Variants in ITCH observed in about 807,000 individuals in gnomAD.
ITCH encodes the protein itchy E3 ubiquitin protein ligase.
A neutral mutation model predicts 126.8 loss-of-function variants in ITCH; 28 were observed. That is an observed-to-expected ratio of 0.22 (90% CI 0.16 to 0.30). ITCH has a LOEUF of 0.30. ITCH is among the 10% of genes least tolerant of loss of function. The pLI, the probability that ITCH is intolerant of heterozygous loss-of-function variation, is 1.00. For missense variants in ITCH, 631 were observed against 1,032.4 expected, an observed-to-expected ratio of 0.61 and a Z score of 5.33; for synonymous variants, 342 against 340.0, an observed-to-expected ratio of 1.01 and a Z score of -0.06.
intron 3 of ITCH, among the ~76,000 whole-genome samples, chr20:34,399,030 A>G (rs1196074116): frequency 1.3e-5 from 2 of 152,200 alleles, no homozygotes; most frequent in African/African-American, 4.8e-5. Context: ...CAGTTATAGT[A>G]TTTGTTTTAT....
At chr20:34,427,154 G>C (rs1981647877) in intron 7 of ITCH, among the ~76,000 whole-genome samples, 1 of 152,188 alleles carries the variant, frequency 6.6e-6, no homozygotes, top group Non-Finnish European at 1.5e-5. Context: ...TAAAGCTGTT[G>C]TGTCTTACCT....
At chr20:34,433,146 C>T (rs1213118763) in intron 7 of ITCH, among the ~76,000 whole-genome samples, 6 of 152,056 alleles carry the variant, frequency 3.9e-5, no homozygotes, top group African/African-American at 7.2e-5. Context: ...AAAAATTGGC[C>T]GGGCATGGTG....
chr20:34,455,304 G>T (rs1359832862), intron 12 of ITCH, among the ~76,000 whole-genome samples: 1 of 152,088 alleles, frequency 6.6e-6, no homozygotes, highest in African/African-American at 2.4e-5. Flanking sequence ...TAATACATCA[G>T]TTATTCATTT....
chr20:34,474,917 G>A (rs1988018641), intron 16 of ITCH, among the ~76,000 whole-genome samples: 2 of 151,712 alleles, frequency 1.3e-5, no homozygotes, highest in African/African-American at 4.8e-5. Flanking sequence ...TTGCCAGGCA[G>A]AGGGTCTCCT....
Position 34,477,837 on chromosome 20 carries a change from T to C in ITCH, c.1635T>C (p.Gly545=). The C allele has an allele frequency of 6.2e-7, 1 of 1,613,260 alleles. No homozygotes were observed. The highest frequency in any genetic ancestry group is 1.1e-5 in the South Asian group (1 of 91,062). Residue 545 remains glycine, a synonymous_variant, in exon 17 of 25, where the codon GGT becomes GGC. Coordinates refer to ENST00000374864, the MANE Select transcript of ITCH (RefSeq NM_031483.7). ...RLWVIFPGEE[G]LDYGGVAREW... is the part of the protein sequence containing the mutation. ...GGGTGATTTTTCCAGGAGAAGAAGG[T>C]TTAGATTATGGAGGTGTAGCAAGGT...
chr20:34,457,570 A>T, intron 13 of ITCH, 96 bp downstream of exon 13: 1 of 849,658 alleles, frequency 1.2e-6, no homozygotes, highest in African/African-American at 1.7e-5. Flanking sequence ...TTTGCCAAAG[A>T]CCTAAAACGT....
chr20:34,495,659 A>G (rs1183352008), intron 23 of ITCH, among the ~76,000 whole-genome samples: 1 of 152,106 alleles, frequency 6.6e-6, no homozygotes, highest in Admixed American at 6.6e-5. Flanking sequence ...TTGTTTATAC[A>G]CCACATTTTC....
intron 1 of ITCH, among the ~76,000 whole-genome samples, chr20:34,365,249 T>G (rs1171519783): frequency 6.6e-6 from 1 of 152,090 alleles, no homozygotes; most frequent in Non-Finnish European, 1.5e-5. Flanking sequence ...TTCTACTGCT[T>G]CTTTGAACTG....
chr20:34,368,862 G>A (rs2037515589), intron 1 of ITCH, among the ~76,000 whole-genome samples: 1 of 151,974 alleles, frequency 6.6e-6, no homozygotes, highest in African/African-American at 2.4e-5. Context: ...TCCTCATTTT[G>A]CCAGATAGCC....
chr20:34,503,075 A>G (rs1433222099), intron 23 of ITCH, among the ~76,000 whole-genome samples: 1 of 152,208 alleles, frequency 6.6e-6, no homozygotes, highest in Non-Finnish European at 1.5e-5. Flanking sequence ...TATGTGTTGA[A>G]CACCACAGAA....
intron 2 of ITCH, among the ~76,000 whole-genome samples, chr20:34,379,002 G>A (rs1007402609): frequency 2.0e-5 from 3 of 152,072 alleles, no homozygotes; most frequent in African/African-American, 7.2e-5. Context: ...AAGTTTTTTG[G>A]AGGAAAGCTA....
chr20:34,490,121 C>T (rs1989408701), intron 22 of ITCH, among the ~76,000 whole-genome samples, 195 bp downstream of exon 22: 1 of 152,174 alleles, frequency 6.6e-6, no homozygotes, highest in Admixed American at 6.6e-5. Flanking sequence ...ACATACCTTG[C>T]ATCTTTGTCC....
intron 20 of ITCH, among the ~76,000 whole-genome samples, chr20:34,488,822 G>T (rs1396628346): frequency 6.6e-6 from 1 of 152,182 alleles, no homozygotes; most frequent in Non-Finnish European, 1.5e-5. Flanking sequence ...AAGATCACTT[G>T]AGGCCAGATA....
At chr20:34,458,345 A>G (rs1279091718) in intron 13 of ITCH, among the ~76,000 whole-genome samples, 1 of 152,196 alleles carries the variant, frequency 6.6e-6, no homozygotes, top group Non-Finnish European at 1.5e-5. Flanking sequence ...AGATATATGT[A>G]CATTATCACA....
chr20:34,442,640 A>G (rs1333375479), intron 10 of ITCH, among the ~76,000 whole-genome samples: 1 of 150,864 alleles, frequency 6.6e-6, no homozygotes, highest in East Asian at 2.0e-4. Flanking sequence ...GGCGTGAGCT[A>G]TCATGCCTGG....
intron 3 of ITCH, among the ~76,000 whole-genome samples, chr20:34,394,366 T>C (rs2038598952): frequency 1.3e-5 from 2 of 152,320 alleles, no homozygotes; most frequent in East Asian, 1.9e-4. Flanking sequence ...AGTTTTTTTT[T>C]CCTTCAACAT....
chr20:34,383,360 AG>A (rs1476741447), intron 2 of ITCH, among the ~76,000 whole-genome samples: 5 of 130,028 alleles, frequency 3.8e-5, no homozygotes, highest in African/African-American at 6.1e-5. Context: ...TGGGCTTGAT[AG>A]ATTTTTTTTT....
intron 2 of ITCH, among the ~76,000 whole-genome samples, chr20:34,381,513 G>A (rs964215521): frequency 2.6e-5 from 4 of 151,448 alleles, no homozygotes; most frequent in African/African-American, 7.3e-5. Flanking sequence ...CGCAACCTCC[G>A]CCTCCTGGGT....
chr20:34,401,669 A>T, intron 3 of ITCH: 1 of 977,156 alleles, frequency 1.0e-6, no homozygotes, highest in South Asian at 4.7e-5. Context: ...CTGTGGAATC[A>T]ATCGGTCCTC....
Sources: gnomAD v4.1 joint callset for allele counts (sites outside exome capture counted in the v4.1 genomes callset) on GRCh38, gnomAD v4.1.1 for gene constraint, MANE v1.5 for transcripts, NCBI Gene and HGNC (gene_info 2026-07-23, HGNC 2026-07-21) for gene names.